Variants in ASIC2 observed in about 807,000 individuals in gnomAD.
ASIC2 encodes the protein acid sensing ion channel subunit 2, also known as acid-sensing ion channel 2.
In ASIC2, 25 loss-of-function variants were observed where a neutral mutation model predicts 57.3. The ratio of observed to expected loss-of-function variants is 0.44; its 90% CI spans 0.32 to 0.61. The LOEUF (loss-of-function observed/expected upper bound fraction) is 0.61, where lower values mean the gene tolerates loss of function less well. Among genes scored for constraint, ASIC2 ranks in the 20% least tolerant of loss-of-function variants. ASIC2 has a pLI of 0.06. For missense variants in ASIC2, 641 were observed against 738.1 expected, an observed-to-expected ratio of 0.87 and a Z score of 1.52; for synonymous variants, 319 against 307.5, an observed-to-expected ratio of 1.04 and a Z score of -0.39.
At chr17:33,880,189 A>G (rs904916393) in intron 1 of ASIC2, among the ~76,000 whole-genome samples, 1 of 152,230 alleles carries the variant, frequency 6.6e-6, no homozygotes, top group Non-Finnish European at 1.5e-5. Context: ...CATCACAATT[A>G]AAAGAACTAG....
At chr17:33,277,699 G>A (rs1280899014) in intron 1 of ASIC2, among the ~76,000 whole-genome samples, 1 of 152,096 alleles carries the variant, frequency 6.6e-6, no homozygotes, top group Admixed American at 6.5e-5. Context: ...CAAAGAAAAG[G>A]GCCTGGCTCA....
chr17:33,056,690 TAGAA>T (rs1281617549), intron 3 of ASIC2, among the ~76,000 whole-genome samples: 11 of 152,172 alleles, frequency 7.2e-5, no homozygotes, highest in Non-Finnish European at 1.5e-5. Flanking sequence ...GGATTGCTCT[TAGAA>T]AGAAATTAAT....
At chr17:33,716,874 C>G (rs923621070) in intron 1 of ASIC2, among the ~76,000 whole-genome samples, 5 of 152,210 alleles carry the variant, frequency 3.3e-5, no homozygotes, top group Non-Finnish European at 5.9e-5. Flanking sequence ...CTCTGACTCT[C>G]TAACCTAACA....
intron 1 of ASIC2, among the ~76,000 whole-genome samples, chr17:33,629,851 G>A (rs908502936): frequency 2.0e-5 from 3 of 152,174 alleles, no homozygotes; most frequent in African/African-American, 4.8e-5. Context: ...AGGCTGAAGA[G>A]CTAAGGATGA....
At chr17:33,748,515 G>C (rs1416346508) in intron 1 of ASIC2, among the ~76,000 whole-genome samples, 1 of 152,204 alleles carries the variant, frequency 6.6e-6, no homozygotes, top group Non-Finnish European at 1.5e-5. Flanking sequence ...AGGGCTTCCT[G>C]ATAGGAAAGA....
At chr17:33,771,629 C>T (rs1911115978) in intron 1 of ASIC2, among the ~76,000 whole-genome samples, 1 of 151,594 alleles carries the variant, frequency 6.6e-6, no homozygotes, top group African/African-American at 2.4e-5. Flanking sequence ...GCCTGCAGGG[C>T]CTTTTCCCTG....
chr17:33,303,451 G>C (rs779679658), intron 1 of ASIC2, among the ~76,000 whole-genome samples: 4 of 152,154 alleles, frequency 2.6e-5, no homozygotes, highest in Non-Finnish European at 4.4e-5. Context: ...TACCAGGCTT[G>C]GCTAAGTAAA....
At chr17:33,181,394 T>G (rs986777098) in intron 1 of ASIC2, among the ~76,000 whole-genome samples, 1 of 152,190 alleles carries the variant, frequency 6.6e-6, no homozygotes, top group African/African-American at 2.4e-5. Flanking sequence ...GCAACCCTAG[T>G]AATAAATTAT....
intron 1 of ASIC2, among the ~76,000 whole-genome samples, chr17:33,135,692 G>T (rs1040310036): frequency 6.6e-6 from 1 of 152,206 alleles, no homozygotes; most frequent in Admixed American, 6.5e-5. Flanking sequence ...GTAGAGAAGG[G>T]GTTTAGAACG....
chr17:33,581,533 T>G (rs906306602), intron 1 of ASIC2: 1 of 152,174 alleles, frequency 6.6e-6, no homozygotes, highest in Non-Finnish European at 1.5e-5. Flanking sequence ...AACAAAGGAC[T>G]GAAACATAGG....
Position 33,269,274 on chromosome 17 carries a change from T to A in ASIC2, c.708+22134A>T, listed in dbSNP as rs1597659039. ...GGAGGCTTGCAGACTTTAGTTATTG[T>A]GGGAGATTTGTCTCCCTGACCCCCC... On this transcript the variant is annotated intron_variant, in intron 1 of 9. Transcript: ENST00000225823. Among the ~76,000 whole-genome samples the A allele has an allele frequency of 1.3e-5, 2 of 152,352 alleles. 1 individual carries two copies. The highest frequency in any genetic ancestry group is 4.1e-4 in the South Asian group (2 of 4,828).
At chr17:33,751,082 C>T (rs574206259) in intron 1 of ASIC2, among the ~76,000 whole-genome samples, 1 of 152,230 alleles carries the variant, frequency 6.6e-6, no homozygotes, top group East Asian at 1.9e-4. Flanking sequence ...AGCTTGGAAG[C>T]CACCCAGGGT....
chr17:34,073,482 G>A (rs568312588), intron 1 of ASIC2, among the ~76,000 whole-genome samples: 2 of 152,298 alleles, frequency 1.3e-5, no homozygotes, highest in South Asian at 4.1e-4. Flanking sequence ...GGTATAGGTT[G>A]TGGCCAAACC....
At chr17:33,671,598 GA>G (rs1287657105) in intron 1 of ASIC2, among the ~76,000 whole-genome samples, 1 of 152,176 alleles carries the variant, frequency 6.6e-6, no homozygotes, top group African/African-American at 2.4e-5. Flanking sequence ...GACCTCATAT[GA>G]TTAAGACACA....
At chr17:34,038,384 T>A (rs1907973224) in intron 1 of ASIC2, 10 of 1,611,806 alleles carry the variant, frequency 6.2e-6, no homozygotes, top group Middle Eastern at 2.1e-4. Flanking sequence ...GTCCAGCTCT[T>A]TATGAATCCG....
chr17:33,768,641 A>G (rs1567710730), intron 1 of ASIC2, among the ~76,000 whole-genome samples: 1 of 152,200 alleles, frequency 6.6e-6, no homozygotes, highest in Non-Finnish European at 1.5e-5. Flanking sequence ...GGCCAAAAAC[A>G]GCCTGAAATC....
chr17:33,903,392 T>C (rs1014093827), intron 1 of ASIC2, among the ~76,000 whole-genome samples: 8 of 152,220 alleles, frequency 5.3e-5, no homozygotes, highest in African/African-American at 1.4e-4. Context: ...AAATGTGTTT[T>C]ATAGCTCACC....
chr17:34,018,384 T>C (rs1567789575), intron 1 of ASIC2, among the ~76,000 whole-genome samples: 1 of 152,224 alleles, frequency 6.6e-6, no homozygotes, highest in Non-Finnish European at 1.5e-5. Flanking sequence ...AGAGTTCTGA[T>C]GAAGACGTAC....
intron 1 of ASIC2, among the ~76,000 whole-genome samples, chr17:33,668,110 G>A (rs1056387791): frequency 2.0e-5 from 3 of 152,092 alleles, no homozygotes; most frequent in Non-Finnish European, 2.9e-5. Flanking sequence ...CCGCGCTGGC[G>A]TGTCTGGAAC....
Sources: allele counts gnomAD v4.1 joint callset (sites outside exome capture counted in the v4.1 genomes callset), GRCh38; gene constraint gnomAD v4.1.1; transcripts MANE v1.5; gene names NCBI Gene and HGNC (gene_info 2026-07-23, HGNC 2026-07-21).